Variants in KSR1 observed in about 807,000 individuals in gnomAD.
KSR1 encodes the protein kinase suppressor of ras.
KSR1 carries 35 observed loss-of-function variants against 92.9 expected under a neutral mutation model. The ratio of observed to expected loss-of-function variants is 0.38; its 90% CI spans 0.29 to 0.50. KSR1 has a LOEUF of 0.50. KSR1 is among the 20% of genes least tolerant of loss of function. The pLI is 0.94. For synonymous variants in KSR1, 467 were observed against 472.6 expected, an observed-to-expected ratio of 0.99 and a Z score of 0.15; for missense variants, 972 against 1,158.5, an observed-to-expected ratio of 0.84 and a Z score of 2.34.
At chr17:27,562,478 G>A (rs1031058900) in intron 2 of KSR1, among the ~76,000 whole-genome samples, 39 of 152,146 alleles carry the variant, frequency 2.6e-4, no homozygotes, top group African/African-American at 7.5e-4. Flanking sequence ...GGCTTCTGTC[G>A]GCCACAGAAC....
intron 2 of KSR1, among the ~76,000 whole-genome samples, chr17:27,576,541 C>CTA (rs1042282410): frequency 6.6e-6 from 1 of 152,070 alleles, no homozygotes; most frequent in Non-Finnish European, 1.5e-5. Flanking sequence ...GATAAAGTGC[C>CTA]TATGTGGGGA....
At chr17:27,456,961 C>T (rs1385273552) in intron 1 of KSR1, 87 bp downstream of exon 1, 1 of 707,202 alleles carries the variant, frequency 1.4e-6, no homozygotes, top group Non-Finnish European at 2.6e-6. Flanking sequence ...GAGTTGCATC[C>T]TTGAGCCCGC....
chr17:27,526,934 G>T, intron 1 of KSR1: 2 of 605,298 alleles, frequency 3.3e-6, no homozygotes, highest in Admixed American at 2.9e-5. Context: ...GGGGGCTGAC[G>T]CTCCCTTTCA....
chr17:27,625,331 C>T lies in KSR1; in HGVS notation c.*1939C>T, dbSNP rs1014102691. ...GCCGCAGTGGGCATGCACAGGCCCA[C>T]AGAAAGTCAGTCTGGGTTTTGCTTT... On this transcript the variant is annotated 3_prime_UTR_variant, in exon 21 of 21. Transcript: ENST00000644974. 1.3e-5 allele frequency: 2 copies of T among 152,302 alleles called. No homozygotes were observed. The highest frequency in any genetic ancestry group is 2.4e-5 in the African/African-American group (1 of 41,472). 9.4% of individuals were successfully genotyped at this position (152,302 alleles called of 1,614,324 possible).
intron 1 of KSR1, among the ~76,000 whole-genome samples, chr17:27,519,782 A>C (rs1024361746): frequency 6.6e-6 from 1 of 152,242 alleles, no homozygotes; most frequent in African/African-American, 2.4e-5. Context: ...TGAGGGACCT[A>C]GAGTCTAAGA....
At chr17:27,574,161 T>C (rs1320963255) in intron 2 of KSR1, among the ~76,000 whole-genome samples, 3 of 152,178 alleles carry the variant, frequency 2.0e-5, no homozygotes, top group Non-Finnish European at 4.4e-5. Context: ...AAGGTGAAGG[T>C]TGCTCTTGTG....
chr17:27,547,475 T>C (rs567768185), intron 1 of KSR1, among the ~76,000 whole-genome samples: 55 of 152,344 alleles, frequency 3.6e-4, no homozygotes, highest in African/African-American at 1.3e-3. Context: ...CGGTCACCAG[T>C]AGGAATCACA....
chr17:27,607,849 C>A, intron 14 of KSR1, 65 bp from the exon 15 acceptor site: 7 of 1,207,628 alleles, frequency 5.8e-6, no homozygotes, highest in Non-Finnish European at 8.4e-6. Context: ...CCATGGGCTC[C>A]ACCAGGGTTG....
intron 1 of KSR1, among the ~76,000 whole-genome samples, chr17:27,546,596 G>T (rs547341046): frequency 6.6e-6 from 1 of 152,190 alleles, no homozygotes; most frequent in Admixed American, 6.5e-5. Flanking sequence ...CTTGGCCTGG[G>T]TAGGAAACTC....
chr17:27,574,928 C>T (rs775001200), intron 2 of KSR1, among the ~76,000 whole-genome samples: 5 of 152,190 alleles, frequency 3.3e-5, no homozygotes, highest in Non-Finnish European at 7.3e-5. Context: ...TGCTCTAGTG[C>T]GCATCTTACT....
chr17:27,609,064 T>A, intron 15 of KSR1, 132 bp from the exon 16 acceptor site: 1 of 1,096,994 alleles, frequency 9.1e-7, no homozygotes, highest in South Asian at 1.7e-5. Context: ...CGATTTCTTC[T>A]TCTGTAAAAT....
rs117712014 is a variant in KSR1, at chr17:27,548,498, T to C, written c.232-2070T>C. On this transcript the variant is annotated intron_variant, in intron 1 of 20. Coordinates refer to ENST00000644974, the MANE Select transcript of KSR1 (RefSeq NM_001394583.1). ...ATGTGCTAAGGTCCCGGTGCAGTGG[T>C]CCTAAGTGTTTTGTTTTATACTCAG... Among the ~76,000 whole-genome samples the C allele has an allele frequency of 2.4e-3, 363 of 152,240 alleles. 6 individuals are homozygous for C. The East Asian group carries it at 0.066, about 28-fold the overall frequency.
chr17:27,588,375 C>A lies in KSR1; in HGVS notation c.986-100C>A, dbSNP rs754851483. On this transcript the variant is annotated intron_variant, in intron 5 of 20. Coordinates refer to ENST00000644974, the MANE Select transcript of KSR1 (RefSeq NM_001394583.1). The stretch of plus-strand genomic sequence containing the variant: ...GAGATGCTTATATAATAAACCATTG[C>A]GCCCCCCTCTAGCCTGTGGTCTCTG... 5.1e-6 allele frequency: 5 copies of A among 974,752 alleles called. No individual in the cohort carries two copies. The Admixed American group carries it at 9.9e-5, about 19-fold the overall frequency. 60.4% of individuals were successfully genotyped at this position (974,752 alleles called of 1,614,324 possible). A position where few individuals can be genotyped will look rare whatever the true frequency, so the allele number is the denominator to read the frequency against.
chr17:27,584,420 C>T (rs1459216613), intron 4 of KSR1, among the ~76,000 whole-genome samples: 1 of 152,110 alleles, frequency 6.6e-6, no homozygotes, highest in African/African-American at 2.4e-5. Context: ...TGTCACCGAC[C>T]CTGCTGCTCC....
Position 27,459,483 on chromosome 17 carries a change from G to C in KSR1, c.231+2609G>C, listed in dbSNP as rs1567732592. On this transcript the variant is annotated intron_variant, in intron 1 of 20. Transcript: ENST00000644974. This position sits in a 1 kb window ranked among gnomAD's most constrained non-coding sequence, Gnocchi z 4.6. The stretch of plus-strand genomic sequence containing the variant: ...GCCAGGAAACAATCTCAGCAAGCTG[G>C]GTGGGACCGTCCACCGCCAGCAGCA... Among the ~76,000 whole-genome samples, 1 of 152,214 alleles carries C rather than the reference G, an allele frequency of 6.6e-6. No individual in the cohort carries two copies. Among genetic ancestry groups the C allele is most frequent in the Non-Finnish European group, 1.5e-5 (1 of 68,038 alleles).
intron 2 of KSR1, chr17:27,566,429 G>A (rs1567835057): frequency 1.5e-5 from 6 of 399,112 alleles, no homozygotes; most frequent in South Asian, 2.5e-4. Context: ...CAGGGCTGCC[G>A]GGGACCCTGG....
intron 19 of KSR1, among the ~76,000 whole-genome samples, chr17:27,617,928 T>C (rs912189013): frequency 6.6e-6 from 1 of 152,192 alleles, no homozygotes; most frequent in Non-Finnish European, 1.5e-5. Context: ...ACCACATTTA[T>C]TTTGGAGACT....
intron 11 of KSR1, among the ~76,000 whole-genome samples, chr17:27,602,567 A>G (rs1413905111): frequency 2.0e-5 from 3 of 152,244 alleles, no homozygotes; most frequent in Non-Finnish European, 4.4e-5. Flanking sequence ...CAAAAGCATG[A>G]GGATTCAGAG....
At chr17:27,607,514 C>G (rs936557939) in intron 14 of KSR1, among the ~76,000 whole-genome samples, 1 of 152,152 alleles carries the variant, frequency 6.6e-6, no homozygotes, top group African/African-American at 2.4e-5. Flanking sequence ...TAATGAGATT[C>G]TTGACAGTGA....
Sources: allele counts gnomAD v4.1 joint callset (sites outside exome capture counted in the v4.1 genomes callset), GRCh38; gene constraint gnomAD v4.1.1; non-coding constraint Gnocchi (gnomAD v3.1); transcripts MANE v1.5; gene names NCBI Gene and HGNC (gene_info 2026-07-23, HGNC 2026-07-21).